The following IMMT variants were observed in gnomAD, a reference collection of about 807,000 sequenced individuals.
IMMT encodes the protein MICOS complex subunit MIC60.
IMMT carries 40 observed loss-of-function variants against 92.7 expected under a neutral mutation model. The ratio of observed to expected loss-of-function variants is 0.43; its 90% CI spans 0.34 to 0.56. IMMT has a LOEUF of 0.56. IMMT is among the 20% of genes least tolerant of loss of function. The pLI, the probability that IMMT is intolerant of heterozygous loss-of-function variation, is 0.03. For synonymous variants in IMMT, 322 were observed against 336.1 expected (o/e 0.96, Z 0.46); for missense variants, 831 against 912.1 (o/e 0.91, Z 1.14).
chr2:86,170,483 G>C (rs1677004674), intron 6 of IMMT, among the ~76,000 whole-genome samples: 1 of 152,176 alleles, frequency 6.6e-6, no homozygotes, highest in African/African-American at 2.4e-5. Context: ...CTGTTTCCCA[G>C]AGTATAAAGA....
chr2:86,184,192 T>C lies in IMMT; in HGVS notation c.46-2820A>G, dbSNP rs372866451. 2.6e-5 allele frequency among the ~76,000 whole-genome samples: 4 copies of C among 152,228 alleles called. No homozygotes were observed. In the East Asian group the frequency reaches 5.8e-4, roughly 22 times the overall value. ...ATAAATAATTTTTTTTTTAAGAGAC[T>C]GAGTCTTGCTCTGTTGCCAAGGTTG... On this transcript the variant is annotated intron_variant, in intron 1 of 14. Coordinates refer to ENST00000410111, the MANE Select transcript of IMMT (RefSeq NM_006839.3).
chr2:86,187,136 T>C (rs1042169822), intron 1 of IMMT, among the ~76,000 whole-genome samples: 10 of 152,182 alleles, frequency 6.6e-5, no homozygotes, highest in African/African-American at 1.7e-4. Context: ...ACAACAACCA[T>C]CACCACTATC....
chr2:86,191,021 CTG>C (rs937146529), intron 1 of IMMT, among the ~76,000 whole-genome samples: 2 of 151,862 alleles, frequency 1.3e-5, no homozygotes, highest in Non-Finnish European at 2.9e-5. Context: ...TCAACTTGGA[CTG>C]TGTTTTTGGA....
intron 3 of IMMT, among the ~76,000 whole-genome samples, chr2:86,175,725 T>TGA (rs373998220): frequency 6.9e-6 from 1 of 145,834 alleles, no homozygotes; most frequent in African/African-American, 2.5e-5. Flanking sequence ...GAGTAAATGG[T>TGA]AAAAAAAAAA....
At chr2:86,153,473 G>A in intron 11 of IMMT, 87 bp downstream of exon 11, 1 of 672,950 alleles carries the variant, frequency 1.5e-6, no homozygotes, top group Non-Finnish European at 2.4e-6. Context: ...ATGGCTTTGT[G>A]TAAGAATCAT....
At chr2:86,173,280 G>T (rs1677222690) in intron 4 of IMMT, among the ~76,000 whole-genome samples, 1 of 152,166 alleles carries the variant, frequency 6.6e-6, no homozygotes, top group African/African-American at 2.4e-5. Flanking sequence ...AAGAAGAGAG[G>T]ATAAAGAATT....
intron 6 of IMMT, among the ~76,000 whole-genome samples, chr2:86,167,710 C>T (rs1345245068): frequency 2.0e-5 from 3 of 151,954 alleles, no homozygotes; most frequent in Non-Finnish European, 2.9e-5. Context: ...TCTCGATCTC[C>T]TGACCTCGTG....
At chr2:86,148,153 T>C (rs1675176108) in intron 12 of IMMT, among the ~76,000 whole-genome samples, 1 of 152,226 alleles carries the variant, frequency 6.6e-6, no homozygotes, top group South Asian at 2.1e-4. Flanking sequence ...CATGCTCCTC[T>C]GAGAAATAAC....
At chr2:86,191,813 G>A (rs980263580) in intron 1 of IMMT, among the ~76,000 whole-genome samples, 2 of 152,014 alleles carry the variant, frequency 1.3e-5, no homozygotes, top group Non-Finnish European at 2.9e-5. Context: ...TACTTGGGAG[G>A]CTGAGGCAGG....
At chr2:86,150,067 A>C (rs1286034866) in intron 12 of IMMT, among the ~76,000 whole-genome samples, 3 of 152,186 alleles carry the variant, frequency 2.0e-5, no homozygotes, top group Non-Finnish European at 4.4e-5. Context: ...TTGGGCTGGA[A>C]TAGCTGAGCA....
chr2:86,156,358 G>A (rs1000527794), intron 10 of IMMT, among the ~76,000 whole-genome samples: 4 of 152,148 alleles, frequency 2.6e-5, no homozygotes, highest in Admixed American at 6.5e-5. Flanking sequence ...TTGGGAGGCC[G>A]AGGTAGATGG....
rs373945557 is a variant in IMMT at position 86,171,268 on chromosome 2, C to G, written c.499G>C (p.Glu167Gln). 27 of 1,608,010 alleles carry G rather than the reference C, an allele frequency of 1.7e-5. No homozygotes were observed. The African/African-American group carries it at 2.9e-4, about 18-fold the overall frequency. ...TCAGGGTGATCAGTTTTTAAAGATTCCTCAGGCTGAACTGCAGGGGCTGGG... is the reference window on the plus strand; with the variant it reads ...TCAGGGTGATCAGTTTTTAAAGATTGCTCAGGCTGAACTGCAGGGGCTGGG... ...SVPAPAVQPEESLKTDHPEIG... is the reference protein window; with the variant it reads ...SVPAPAVQPEQSLKTDHPEIG... The change falls in exon 5 of 15, where the codon GAA (glutamate) becomes CAA (glutamine). Residue 167 changes from glutamate (E) to glutamine (Q), a missense_variant. Physicochemically the swap from Glu to Gln is conservative, Grantham distance 29 (BLOSUM62 2). Coordinates refer to ENST00000410111, the MANE Select transcript of IMMT (RefSeq NM_006839.3).
At chr2:86,166,718 T>C (rs2105094095) in intron 6 of IMMT, 74 bp from the exon 7 acceptor site, 2 of 1,371,972 alleles carry the variant, frequency 1.5e-6, no homozygotes, top group East Asian at 2.4e-5. Context: ...GCTGTTCTCC[T>C]ATCTAGTCTT....
At chr2:86,145,266 G>C (rs538082855) in intron 14 of IMMT, among the ~76,000 whole-genome samples, 6 of 64,932 alleles carry the variant, frequency 9.2e-5, no homozygotes, top group African/African-American at 1.8e-4. Context: ...AGGCCGAGGT[G>C]GGTGGATCAC....
At chr2:86,169,250 AGAAAAGT>A (rs908660921) in intron 6 of IMMT, among the ~76,000 whole-genome samples, 24 of 152,354 alleles carry the variant, frequency 1.6e-4, no homozygotes, top group African/African-American at 5.0e-4. Flanking sequence ...TGATAAAGAG[AGAAAAGT>A]GAAAAGTGAA....
chr2:86,166,401 G>C (rs950638932), intron 7 of IMMT, 107 bp downstream of exon 7: 2 of 925,234 alleles, frequency 2.2e-6, no homozygotes, highest in Non-Finnish European at 3.2e-6. Context: ...GATATCATAC[G>C]GAAGAAAGCA....
rs1226902175 is a variant in IMMT, at chr2:86,171,260, T to A, written c.507A>T (p.Leu169Phe). The change falls in exon 5 of 15, where the codon TTA becomes TTT. Residue 169 changes from leucine (L) to phenylalanine (F), a missense_variant. Transcript: ENST00000410111. The part of the protein sequence containing the change: ...PAPAVQPEES[L>F]KTDHPEIGEG... ...CACCAATTTCAGGGTGATCAGTTTT[T>A]AAAGATTCCTCAGGCTGAACTGCAG... The A allele has an allele frequency of 6.2e-7, 1 of 1,606,764 alleles. No individual in the cohort carries two copies. Among genetic ancestry groups the A allele is most frequent in the Admixed American group, 1.7e-5 (1 of 58,996 alleles).
rs1674992894 is a variant in IMMT, at chr2:86,146,181, A to G, written c.1550T>C (p.Leu517Pro). ...SEFEQNLSEK[L>P]SEQELQFRRL... The stretch of plus-strand genomic sequence containing the variant: ...ACGAAATTGTAATTCTTGTTCAGAG[A>G]GTTTCTCAGACAGGTTCTGAAATAA... The change falls in exon 14 of 15, where the codon CTC becomes CCC. Residue 517 changes from leucine to proline, a missense_variant. Coordinates refer to ENST00000410111, the MANE Select transcript of IMMT (RefSeq NM_006839.3). 1.2e-6 allele frequency: 2 copies of G among 1,608,076 alleles called. No individual in the cohort carries two copies. Among genetic ancestry groups the G allele is most frequent in the African/African-American group, 2.7e-5 (2 of 74,822 alleles).
intron 6 of IMMT, among the ~76,000 whole-genome samples, chr2:86,168,549 G>A (rs955292199): frequency 6.6e-6 from 1 of 152,134 alleles, no homozygotes; most frequent in Non-Finnish European, 1.5e-5. Context: ...CTTGAACCTG[G>A]GAGTTGGAGG....
Sources: allele counts gnomAD v4.1 joint callset (sites outside exome capture counted in the v4.1 genomes callset), GRCh38; gene constraint gnomAD v4.1.1; transcripts MANE v1.5; gene names NCBI Gene and HGNC (gene_info 2026-07-23, HGNC 2026-07-21).